PMFBP1: variants seen among roughly 807,000 people sequenced by gnomAD.
PMFBP1 encodes polyamine-modulated factor 1-binding protein 1.
In PMFBP1, 131 loss-of-function variants were observed where a neutral mutation model predicts 137.8. The ratio of observed to expected loss-of-function variants is 0.95; its 90% CI spans 0.82 to 1.10. The LOEUF (loss-of-function observed/expected upper bound fraction) is 1.10. Among genes scored for constraint, PMFBP1 ranks in the 50% least tolerant of loss-of-function variants. The pLI, the probability that PMFBP1 is intolerant of heterozygous loss-of-function variation, is 0.00. For missense variants in PMFBP1, 1,199 were observed against 1,175.4 expected, an observed-to-expected ratio of 1.02 and a Z score of -0.29; for synonymous variants, 490 against 450.4, an observed-to-expected ratio of 1.09 and a Z score of -1.11.
At chr16:72,169,506 T>C (rs1269035024) in intron 2 of PMFBP1, among the ~76,000 whole-genome samples, 1 of 152,206 alleles carries the variant, frequency 6.6e-6, no homozygotes, top group Non-Finnish European at 1.5e-5. Flanking sequence ...GAACCAATTA[T>C]GTTCATATAC....
the PMFBP1 span, among the ~76,000 whole-genome samples, chr16:72,208,855 G>A: frequency 2.0e-5 from 3 of 152,216 alleles, no homozygotes; most frequent in Admixed American, 6.5e-5. Context: ...GCTGGGGCAG[G>A]TGGTAAGTTG....
the PMFBP1 span, among the ~76,000 whole-genome samples, chr16:72,247,821 GTTTAA>G: frequency 1.3e-5 from 2 of 151,970 alleles, no homozygotes; most frequent in East Asian, 3.8e-4. Flanking sequence ...TTTTTATCCT[GTTTAA>G]TTTTAGAATT....
the PMFBP1 span, among the ~76,000 whole-genome samples, chr16:72,246,270 C>G: frequency 6.6e-6 from 1 of 152,130 alleles, no homozygotes; most frequent in Non-Finnish European, 1.5e-5. Flanking sequence ...CTCAAAGAGG[C>G]CTGGTGACTT....
chr16:72,164,407 G>T, intron 3 of PMFBP1: 5 of 1,310,654 alleles, frequency 3.8e-6, no homozygotes, highest in Non-Finnish European at 5.0e-6. Context: ...TTTCATGGTT[G>T]ACTTAGAAGT....
chr16:72,225,747 T>TAAA, the PMFBP1 span, among the ~76,000 whole-genome samples: 1 of 148,478 alleles, frequency 6.7e-6, no homozygotes, highest in Admixed American at 6.7e-5. Context: ...ATAATAATAA[T>TAAA]AATAAAGCCT....
At chr16:72,207,709 C>CTTGTGTGTGTGTGTGTGT in the PMFBP1 span, among the ~76,000 whole-genome samples, 1 of 94,540 alleles carries the variant, frequency 1.1e-5, no homozygotes, top group African/African-American at 5.7e-5. Context: ...ACCAGTAGGG[C>CTTGTGTGTGTGTGTGTGT]ATGTGTGTGT....
the PMFBP1 span, among the ~76,000 whole-genome samples, chr16:72,185,929 A>T: frequency 6.6e-6 from 1 of 152,204 alleles, no homozygotes; most frequent in Non-Finnish European, 1.5e-5. Context: ...AGGGATACTG[A>T]AATAATCTGA....
chr16:72,135,746 T>G (rs1342655822), intron 9 of PMFBP1, among the ~76,000 whole-genome samples: 2 of 136,430 alleles, frequency 1.5e-5, no homozygotes, highest in Non-Finnish European at 3.1e-5. Flanking sequence ...TTCTGTTTTT[T>G]TTTTTTTTTT....
chr16:72,228,693 T>C, the PMFBP1 span, among the ~76,000 whole-genome samples: 14 of 152,326 alleles, frequency 9.2e-5, no homozygotes, highest in African/African-American at 3.1e-4. Flanking sequence ...GGTGCCTCTC[T>C]ATTTCTTTAG....
At chr16:72,198,597 T>C in the PMFBP1 span, among the ~76,000 whole-genome samples, 1 of 152,134 alleles carries the variant, frequency 6.6e-6, no homozygotes, top group Non-Finnish European at 1.5e-5. Flanking sequence ...GCTTTCATAG[T>C]AATACCAATT....
At chr16:72,234,446 C>A in the PMFBP1 span, among the ~76,000 whole-genome samples, 3 of 152,110 alleles carry the variant, frequency 2.0e-5, no homozygotes, top group Non-Finnish European at 1.5e-5. Flanking sequence ...AAAAAACACA[C>A]CCTTGGTTAG....
At chr16:72,242,631 A>G in the PMFBP1 span, among the ~76,000 whole-genome samples, 1 of 152,232 alleles carries the variant, frequency 6.6e-6, no homozygotes, top group African/African-American at 2.4e-5. Context: ...CAGAATATTT[A>G]GAAGACAAAC....
At chr16:72,217,205 C>T in the PMFBP1 span, among the ~76,000 whole-genome samples, 1 of 152,056 alleles carries the variant, frequency 6.6e-6, no homozygotes, top group East Asian at 1.9e-4. Context: ...TAACAACTGA[C>T]CCTCCAGAAA....
the PMFBP1 span, among the ~76,000 whole-genome samples, chr16:72,240,781 C>A: frequency 1.1e-4 from 17 of 152,218 alleles, no homozygotes; most frequent in Non-Finnish European, 2.2e-4. Flanking sequence ...ACCAAAAGAT[C>A]TCTAAGGGGT....
At position 72,130,328 on chromosome 16, in the gene PMFBP1, A is replaced by C; in HGVS notation, c.1667T>G (p.Leu556Arg). ...TTCAAGCTTCCTCAGGGCTTCAGAG[A>C]GTTCTAATGACAGCTCCTCCACCCG... ...RKRVEELSLE[L>R]SEALRKLENS... is the part of the protein sequence containing the mutation. Residue 556 changes from leucine to arginine, a missense_variant, in exon 12 of 21, where the codon CTC becomes CGC. Physicochemically the swap from Leu to Arg is moderately radical, Grantham distance 102. Transcript: ENST00000237353. 6.2e-7 allele frequency: 1 copy of C among 1,614,142 alleles called. No homozygotes were observed. Among genetic ancestry groups the C allele is most frequent in the Non-Finnish European group, 8.5e-7 (1 of 1,180,022 alleles).
chr16:72,125,399 G>A lies in PMFBP1; in HGVS notation c.2260C>T (p.His754Tyr). The A allele has an allele frequency of 6.2e-7, 1 of 1,608,842 alleles. No homozygotes were observed. Among genetic ancestry groups the A allele is most frequent in the Non-Finnish European group, 8.5e-7 (1 of 1,178,690 alleles). Residue 754 changes from histidine (H) to tyrosine (Y), a missense_variant, in exon 16 of 21, where the codon CAC (histidine) becomes TAC (tyrosine). By Grantham distance (83) the His-to-Tyr change is moderately conservative. Coordinates refer to ENST00000237353, the MANE Select transcript of PMFBP1 (RefSeq NM_031293.3). The part of the protein sequence containing the change: ...DLTQALEKLN[H>Y]VTSETKSLQQ... ...AGGCTCTTTGTCTCTGAGGTCACGT[G>A]ATTGAGCTTCCGGAAAAGACAAAGA... is the stretch of plus-strand genomic sequence containing the variant.
At position 72,139,403 on chromosome 16, in the gene PMFBP1, C is replaced by A. The variant is rs763893301; in HGVS notation, c.808-4G>T. 5.0e-6 allele frequency: 8 copies of A among 1,608,292 alleles called. No individual in the cohort carries two copies. Among genetic ancestry groups the A allele is most frequent in the South Asian group, 1.1e-5 (1 of 90,664 alleles). ...AAGCCTTTTCACGCTCCAGAACCTG[C>A]AAATAAGCTTAGATCAGTTATGCTG... is the stretch of plus-strand genomic sequence containing the variant. On this transcript the variant is annotated splice_region_variant and splice_polypyrimidine_tract_variant and intron_variant, in intron 6 of 20. Transcript: ENST00000237353.
chr16:72,179,799 A>C (rs2043270301), upstream of PMFBP1, among the ~76,000 whole-genome samples: 1 of 152,220 alleles, frequency 6.6e-6, no homozygotes, highest in Non-Finnish European at 1.5e-5. Flanking sequence ...CAGGTTGTAA[A>C]GTGCTTTGGG....
Position 72,130,364 on chromosome 16 carries a change from C to A in PMFBP1, c.1638-7G>T. The A allele has an allele frequency of 1.2e-6, 2 of 1,614,108 alleles. No individual in the cohort carries two copies. The highest frequency in any genetic ancestry group is 1.7e-6 in the Non-Finnish European group (2 of 1,179,984). On this transcript the variant is annotated splice_polypyrimidine_tract_variant and splice_region_variant and intron_variant, in intron 11 of 20. Transcript: ENST00000237353. ...CAGCTCCTCCACCCGTTTTCTAAAGCAAAATAACAGCCACAGGAGGACAGA... is the reference window on the plus strand; with the variant it reads ...CAGCTCCTCCACCCGTTTTCTAAAGAAAAATAACAGCCACAGGAGGACAGA...
Sources: allele counts gnomAD v4.1 joint callset (sites outside exome capture counted in the v4.1 genomes callset), GRCh38; gene constraint gnomAD v4.1.1; transcripts MANE v1.5; gene names NCBI Gene and HGNC (gene_info 2026-07-23, HGNC 2026-07-21).